Variants in CD72 observed in about 807,000 individuals in gnomAD.
The protein encoded by CD72 is CD72 molecule.
Under a neutral mutation model 50.7 loss-of-function variants are expected in CD72, and 28 were observed. That is an observed-to-expected ratio of 0.55 (90% confidence interval 0.41 to 0.76). The LOEUF is 0.76. CD72 is among the 30% of genes least tolerant of loss of function. The pLI is 0.00. For synonymous variants in CD72, 176 were observed against 171.2 expected, an observed-to-expected ratio of 1.03 and a Z score of -0.22; for missense variants, 403 against 420.6, an observed-to-expected ratio of 0.96 and a Z score of 0.37.
At position 35,615,961 on chromosome 9, in the gene CD72, A is replaced by C. The variant is rs1254807465; in HGVS notation, c.670T>G (p.Phe224Val). 1 of 1,613,408 alleles carries C rather than the reference A, an allele frequency of 6.2e-7. No individual in the cohort carries two copies. Among genetic ancestry groups the C allele is most frequent in the Non-Finnish European group, 8.5e-7 (1 of 1,179,830 alleles). ...SNMENRLKPF[F>V]TCGSADTCCP... ...CGGATACCTGCTGAGCCGCATGTGA[A>C]GAAGGGCTTCAGTCTGTTCTCCATG... The change falls in exon 5 of 9, where the codon TTC becomes GTC. Residue 224 changes from phenylalanine (F) to valine (V), a missense_variant. Phe to Val is a conservative substitution (Grantham distance 50). Transcript: ENST00000259633.
chr9:35,614,298 C>A (rs1456942645), intron 5 of CD72, among the ~76,000 whole-genome samples: 1 of 152,136 alleles, frequency 6.6e-6, no homozygotes, highest in Non-Finnish European at 1.5e-5. Flanking sequence ...GTGACACGAT[C>A]AGATTTTTGT....
chr9:35,622,782 G>C (rs1483532320), upstream of CD72, among the ~76,000 whole-genome samples: 1 of 148,764 alleles, frequency 6.7e-6, no homozygotes, highest in Non-Finnish European at 1.5e-5. Flanking sequence ...GCGAGACTCT[G>C]TCTCAAAAAA....
intron 1 of CD72, among the ~76,000 whole-genome samples, chr9:35,626,983 G>A (rs901904645): frequency 6.6e-6 from 1 of 151,526 alleles, no homozygotes. Flanking sequence ...GACTACAGGT[G>A]CCCGCCACCA....
chr9:35,614,694 G>T (rs1357174926), intron 5 of CD72, among the ~76,000 whole-genome samples: 1 of 152,048 alleles, frequency 6.6e-6, no homozygotes, highest in Non-Finnish European at 1.5e-5. Flanking sequence ...TACACTAGAA[G>T]GATAATGGAA....
At chr9:35,643,122 A>G (rs1823354470) in intron 1 of CD72, 1 of 152,224 alleles carries the variant, frequency 6.6e-6, no homozygotes, top group South Asian at 2.1e-4. Context: ...CCTGGCTTCA[A>G]ATGCCAAAAG....
At chr9:35,629,921 C>T (rs996103219) in intron 1 of CD72, among the ~76,000 whole-genome samples, 12 of 152,290 alleles carry the variant, frequency 7.9e-5, no homozygotes, top group African/African-American at 2.9e-4. Context: ...TTTGTATATA[C>T]AATCACCTTG....
rs116788883 is a variant in CD72, at chr9:35,616,978, A to G, written c.262+198T>C. ...AAGGGGGGCAGGTAGGTGAATTGGG[A>G]CCATCCGCAGGGGGGCGGTGCACGT... On this transcript the variant is annotated intron_variant, in intron 3 of 8. Coordinates refer to ENST00000259633, the MANE Select transcript of CD72 (RefSeq NM_001782.3). The G allele has an allele frequency of 1.7e-3, 2,437 of 1,440,736 alleles. 34 individuals are homozygous for G. In the African/African-American group the frequency reaches 0.032, roughly 19 times the overall value. 89.2% of individuals were successfully genotyped at this position (1,440,736 alleles called of 1,614,324 possible).
At chr9:35,626,567 C>T (rs1219041938) in intron 1 of CD72, among the ~76,000 whole-genome samples, 2 of 152,178 alleles carry the variant, frequency 1.3e-5, no homozygotes, top group African/African-American at 4.8e-5. Context: ...ACATTGCATG[C>T]TACAGAGAAA....
chr9:35,645,767 G>T (rs979673557), intron 1 of CD72, among the ~76,000 whole-genome samples: 2 of 152,106 alleles, frequency 1.3e-5, no homozygotes, highest in African/African-American at 4.8e-5. Flanking sequence ...AACCAAGCTG[G>T]AAGTTTAAAC....
intron 1 of CD72, among the ~76,000 whole-genome samples, chr9:35,637,390 C>G (rs1048655927): frequency 6.6e-6 from 1 of 152,192 alleles, no homozygotes; most frequent in African/African-American, 2.4e-5. Context: ...GGAGGCGGGT[C>G]CCCTGTCCTC....
chr9:35,642,192 G>A (rs939474892), intron 1 of CD72, among the ~76,000 whole-genome samples: 2 of 152,212 alleles, frequency 1.3e-5, no homozygotes, highest in Non-Finnish European at 2.9e-5. Flanking sequence ...CCCCTCTAGC[G>A]GCACTGGTTT....
At chr9:35,637,436 G>C (rs190052665) in intron 1 of CD72, among the ~76,000 whole-genome samples, 1 of 152,144 alleles carries the variant, frequency 6.6e-6, no homozygotes, top group Non-Finnish European at 1.5e-5. Context: ...CTACAACCTC[G>C]GGTCCTCAGA....
chr9:35,611,360 A>G (rs1822981476), intron 7 of CD72, among the ~76,000 whole-genome samples: 1 of 151,962 alleles, frequency 6.6e-6, no homozygotes, highest in South Asian at 2.1e-4. Flanking sequence ...TGTCTTGATC[A>G]CAGTGAAGTG....
intron 1 of CD72, among the ~76,000 whole-genome samples, chr9:35,634,604 C>T (rs1410904172): frequency 6.6e-6 from 1 of 152,218 alleles, no homozygotes; most frequent in African/African-American, 2.4e-5. Context: ...CCGCCCACCT[C>T]GGCCTCCGAA....
chr9:35,610,515 G>T, intron 8 of CD72, 87 bp downstream of exon 8: 1 of 887,936 alleles, frequency 1.1e-6, no homozygotes, highest in South Asian at 2.1e-5. Flanking sequence ...GTTTTCTCTC[G>T]GGCCCCTGGG....
At position 35,611,848 on chromosome 9, in the gene CD72, G is replaced by A; in HGVS notation, c.906C>T (p.Ser302=). The change falls in exon 7 of 9, where the codon AGC becomes AGT. Residue 302 remains serine, a synonymous_variant. Coordinates refer to ENST00000259633, the MANE Select transcript of CD72 (RefSeq NM_001782.3). ...CAGTCAACTTCCAATCCTTGTTAGAGCTGAGGCCAGTCCAATATGAATTCC... is the reference window on the plus strand; with the variant it reads ...CAGTCAACTTCCAATCCTTGTTAGAACTGAGGCCAGTCCAATATGAATTCC... ...GSGNSYWTGL[S]SNKDWKLTDD... is the part of the protein sequence containing the mutation. 6.2e-7 allele frequency: 1 copy of A among 1,612,864 alleles called. No individual in the cohort carries two copies. Among genetic ancestry groups the A allele is most frequent in the Non-Finnish European group, 8.5e-7 (1 of 1,178,840 alleles).
chr9:35,646,683 T>A (rs1232655403), exon 1 of CD72: 1 of 152,144 alleles, frequency 6.6e-6, no homozygotes, highest in African/African-American at 2.4e-5. Flanking sequence ...ATAAAATTGT[T>A]TTACAGAAAC....
chr9:35,638,030 A>G (rs866472658), intron 1 of CD72, among the ~76,000 whole-genome samples: 5 of 152,174 alleles, frequency 3.3e-5, no homozygotes, highest in African/African-American at 7.2e-5. Context: ...CTTGGCCCCA[A>G]TACAAACTCG....
chr9:35,633,506 T>C (rs1823264799), intron 1 of CD72, among the ~76,000 whole-genome samples: 1 of 152,196 alleles, frequency 6.6e-6, no homozygotes, highest in Non-Finnish European at 1.5e-5. Flanking sequence ...GTATTTTCAT[T>C]CTTTTTTTAA....
Sources: gnomAD v4.1 joint callset for allele counts (sites outside exome capture counted in the v4.1 genomes callset) on GRCh38, gnomAD v4.1.1 for gene constraint, MANE v1.5 for transcripts, NCBI Gene and HGNC (gene_info 2026-07-23, HGNC 2026-07-21) for gene names.